USP4: variants seen among roughly 807,000 people sequenced by gnomAD.
USP4 encodes the protein ubiquitin carboxyl-terminal hydrolase 4.
Under a neutral mutation model 118.2 loss-of-function variants are expected in USP4, and 72 were observed. The ratio of observed to expected loss-of-function variants is 0.61; its 90% CI spans 0.50 to 0.74. The LOEUF is 0.74. USP4 is among the 30% of genes least tolerant of loss of function. USP4 has a pLI of 0.00. For missense variants in USP4, 1,037 were observed against 1,185.7 expected, an observed-to-expected ratio of 0.87 and a Z score of 1.84; for synonymous variants, 415 against 440.4, an observed-to-expected ratio of 0.94 and a Z score of 0.72.
chr3:49,292,464 G>C, intron 15 of USP4, 46 bp downstream of exon 15: 7 of 1,255,972 alleles, frequency 5.6e-6, no homozygotes, highest in Non-Finnish European at 7.7e-6. Context: ...AGGGAAATCA[G>C]GAGGTATTTG....
intron 6 of USP4, chr3:49,313,872 T>TG: frequency 6.8e-6 from 1 of 147,918 alleles, no homozygotes; most frequent in East Asian, 2.0e-4. Flanking sequence ...AATTTTTACC[T>TG]TTTTTTTTTG....
chr3:49,295,705 C>T (rs1170279663), intron 13 of USP4, among the ~76,000 whole-genome samples: 3 of 147,826 alleles, frequency 2.0e-5, no homozygotes, highest in East Asian at 3.9e-4. Flanking sequence ...CACGTGTGCG[C>T]GCGCGCGCGC....
At chr3:49,325,185 C>G in intron 4 of USP4, 146 bp from the exon 5 acceptor site, 1 of 1,036,848 alleles carries the variant, frequency 9.6e-7, no homozygotes, top group Non-Finnish European at 1.4e-6. Flanking sequence ...AATCAATCAT[C>G]TCCCATGGGT....
intron 6 of USP4, among the ~76,000 whole-genome samples, chr3:49,323,407 T>C (rs932261236): frequency 1.3e-5 from 2 of 151,754 alleles, no homozygotes; most frequent in Admixed American, 6.6e-5. Context: ...GCCTGTCAGG[T>C]AGCTGGGACT....
chr3:49,303,498 C>A (rs907660876), intron 9 of USP4, among the ~76,000 whole-genome samples: 1 of 147,218 alleles, frequency 6.8e-6, no homozygotes, highest in Non-Finnish European at 1.5e-5. Context: ...TTCTCTAATA[C>A]CATAGCCACT....
chr3:49,291,223 C>G (rs2047147737), intron 15 of USP4, among the ~76,000 whole-genome samples: 1 of 150,418 alleles, frequency 6.6e-6, no homozygotes. Context: ...CTCAGCCTCC[C>G]AAAGTGCTGG....
At chr3:49,288,186 A>T (rs2047119696) in intron 15 of USP4, among the ~76,000 whole-genome samples, 2 of 152,132 alleles carry the variant, frequency 1.3e-5, no homozygotes, top group South Asian at 4.1e-4. Context: ...TCCCCCTCCT[A>T]CACTGGCAAG....
In USP4 at chr3:49,327,876, A is replaced by G. The variant is rs2047573927; in HGVS notation, c.230-60T>C. 6 of 1,496,020 alleles carry G rather than the reference A, an allele frequency of 4.0e-6. No homozygotes were observed. The East Asian group carries it at 1.4e-4, about 34-fold the overall frequency. 92.7% of individuals were successfully genotyped at this position (1,496,020 alleles called of 1,614,324 possible). ...TTTACCCCAGAAATGATGGTTTTACATGATTTCCATGTACTTTTCAGAAAT... is the reference window on the plus strand; with the variant it reads ...TTTACCCCAGAAATGATGGTTTTACGTGATTTCCATGTACTTTTCAGAAAT... On this transcript the variant is annotated intron_variant, in intron 2 of 21. Coordinates refer to ENST00000265560, the MANE Select transcript of USP4 (RefSeq NM_003363.4).
Position 49,325,807 on chromosome 3 carries a change from G to C in USP4, c.399C>G (p.Val133=), listed in dbSNP as rs767258123. Residue 133 remains valine, a synonymous_variant, in exon 4 of 22, where the codon GTC becomes GTG. Coordinates refer to ENST00000265560, the MANE Select transcript of USP4 (RefSeq NM_003363.4). The part of the protein sequence containing the change: ...EHGLFVKHCK[V]EVYLLELKLC... ...GCTTCAGTTCCAGCAAATACACCTC[G>C]ACTTTGCAGTGCTTGACAAACAGGC... 6.2e-7 allele frequency: 1 copy of C among 1,613,844 alleles called. No homozygotes were observed. The highest frequency in any genetic ancestry group is 8.5e-7 in the Non-Finnish European group (1 of 1,179,864).
intron 15 of USP4, among the ~76,000 whole-genome samples, 193 bp from the exon 16 acceptor site, chr3:49,286,518 C>T (rs1408694015): frequency 6.6e-6 from 1 of 152,068 alleles, no homozygotes; most frequent in East Asian, 1.9e-4. Context: ...GCAGACTGGG[C>T]ACTGCTATTC....
chr3:49,278,670 C>A, intron 21 of USP4, 144 bp downstream of exon 21: 1 of 858,646 alleles, frequency 1.2e-6, no homozygotes, highest in Non-Finnish European at 1.8e-6. Flanking sequence ...ATGAAGGTCC[C>A]TGAAGGAATG....
intron 6 of USP4, among the ~76,000 whole-genome samples, chr3:49,316,205 AAAAAT>A (rs1442271637): frequency 2.6e-5 from 4 of 152,208 alleles, no homozygotes; most frequent in Non-Finnish European, 4.4e-5. Context: ...TTCATCTAAA[AAAAAT>A]AAAATAAAGA....
At position 49,317,229 on chromosome 3, in the gene USP4, G is replaced by A. The variant is rs779159856; in HGVS notation, c.696-5575C>T. The A allele has an allele frequency of 1.2e-5, 19 of 1,532,324 alleles. No individual in the cohort carries two copies. The East Asian group carries it at 2.7e-4, about 22-fold the overall frequency. The allele number at this position is 1,532,324 out of a possible 1,614,324, so 94.9% of individuals were successfully genotyped here. On this transcript the variant is annotated intron_variant, in intron 6 of 21. Transcript: ENST00000265560. The stretch of plus-strand genomic sequence containing the variant: ...CCTCCGTCTCCGCGATGGTCTGGTA[G>A]AACTTACTGCAAGAGGCAATCTTGC...
At chr3:49,315,114 A>G (rs558017815) in intron 6 of USP4, among the ~76,000 whole-genome samples, 2 of 151,992 alleles carry the variant, frequency 1.3e-5, no homozygotes, top group African/African-American at 2.4e-5. Context: ...AAAAAAAAAA[A>G]AACTCTATCC....
intron 20 of USP4, among the ~76,000 whole-genome samples, chr3:49,280,069 C>G (rs1345302126): frequency 1.3e-5 from 2 of 152,040 alleles, no homozygotes; most frequent in African/African-American, 4.8e-5. Flanking sequence ...TCAAGACCAG[C>G]CTGGGCAACA....
intron 21 of USP4, 145 bp from the exon 22 acceptor site, chr3:49,278,596 C>T: frequency 9.6e-7 from 1 of 1,044,834 alleles, no homozygotes; most frequent in Non-Finnish European, 1.4e-6. Context: ...CTGCCCCTGC[C>T]AGGCAGCAGG....
At chr3:49,299,183 G>A (rs908162419) in intron 11 of USP4, among the ~76,000 whole-genome samples, 19 of 151,902 alleles carry the variant, frequency 1.3e-4, no homozygotes, top group Non-Finnish European at 2.4e-4. Context: ...TCCACCTCCC[G>A]GGTTCAAGCG....
chr3:49,325,802 A>G lies in USP4; in HGVS notation c.404T>C (p.Val135Ala). 1 of 1,613,730 alleles carries G rather than the reference A, an allele frequency of 6.2e-7. No individual in the cohort carries two copies. Among genetic ancestry groups the G allele is most frequent in the Non-Finnish European group, 8.5e-7 (1 of 1,179,888 alleles). The change falls in exon 4 of 22, where the codon GTG becomes GCG. Residue 135 changes from valine to alanine, a missense_variant. Val to Ala is a moderately conservative substitution (Grantham distance 64). Transcript: ENST00000265560. ...ACAGAGCTTCAGTTCCAGCAAATACACCTCGACTTTGCAGTGCTTGACAAA... is the reference window on the plus strand; with the variant it reads ...ACAGAGCTTCAGTTCCAGCAAATACGCCTCGACTTTGCAGTGCTTGACAAA... The part of the protein sequence containing the change: ...GLFVKHCKVE[V>A]YLLELKLCEN...
In USP4 at chr3:49,337,320, AC is replaced by A. The variant is rs1299179881; in HGVS notation, c.102-1725del. On this transcript the variant is annotated intron_variant, in intron 1 of 21. Transcript: ENST00000265560. ...AACATGCGTGTACATATATAAATAT[AC>A]ACATACACATGTACATATAATAGTG... is the stretch of plus-strand genomic sequence containing the variant. 3.9e-5 allele frequency among the ~76,000 whole-genome samples: 6 copies of A among 152,310 alleles called. No individual in the cohort carries two copies. The East Asian group carries it at 9.6e-4, about 24-fold the overall frequency.
Sources: allele counts gnomAD v4.1 joint callset (sites outside exome capture counted in the v4.1 genomes callset), GRCh38; gene constraint gnomAD v4.1.1; transcripts MANE v1.5; gene names NCBI Gene and HGNC (gene_info 2026-07-23, HGNC 2026-07-21).